THSD7B: variants seen among roughly 807,000 people sequenced by gnomAD.
THSD7B encodes the protein thrombospondin type-1 domain-containing protein 7B.
In THSD7B, 138 loss-of-function variants were observed where a neutral mutation model predicts 213.6. The ratio of observed to expected loss-of-function variants is 0.65; its 90% CI spans 0.56 to 0.74. The LOEUF (loss-of-function observed/expected upper bound fraction) is 0.74. THSD7B is among the 30% of genes least tolerant of loss of function. The pLI is 0.00. For missense variants in THSD7B, 1,931 were observed against 1,991.5 expected (o/e 0.97, Z 0.58); for synonymous variants, 742 against 687.0 (o/e 1.08, Z -1.25).
intron 2 of THSD7B, among the ~76,000 whole-genome samples, chr2:136,982,302 T>C (rs1454810887): frequency 2.5e-5 from 1 of 40,514 alleles, no homozygotes; most frequent in Non-Finnish European, 5.0e-5. Flanking sequence ...CATTTGGTGC[T>C]ATGTGAGCAA....
rs1490457407 is a variant in THSD7B, at chr2:136,818,307, A to G, written c.-36+52620A>G. ...TAAACTATCGCAAGAACAAAAAACC[A>G]AACACCACATATTCTCACTCATAGG... On this transcript the variant is annotated intron_variant, in intron 1 of 27. Coordinates refer to ENST00000409968, the MANE Select transcript of THSD7B (RefSeq NM_001316349.2). Among the ~76,000 whole-genome samples the G allele has an allele frequency of 6.7e-4, 90 of 134,998 alleles. 1 individual carries two copies. The highest frequency in any genetic ancestry group is 2.4e-3 in the African/African-American group (88 of 35,996). 88.6% of individuals were successfully genotyped at this position (134,998 alleles called of 152,430 possible). A position where few individuals can be genotyped will look rare whatever the true frequency, so the allele number is the denominator to read the frequency against.
chr2:137,066,041 A>G (rs1001167148), intron 3 of THSD7B, among the ~76,000 whole-genome samples: 24 of 151,974 alleles, frequency 1.6e-4, no homozygotes, highest in South Asian at 1.0e-3. Context: ...TCTAACCTAC[A>G]TAATTTTCCT....
At chr2:137,590,792 G>GTTTTTTTTTTTTTTTTTTTTTTTT (rs1215185747) in intron 17 of THSD7B, among the ~76,000 whole-genome samples, 8 of 88,706 alleles carry the variant, frequency 9.0e-5, no homozygotes, top group Non-Finnish European at 9.2e-5. Context: ...CTTTGAAATA[G>GTTTTTTTTTTTTTTTTTTTTTTTT]TTTTTTTTTT....
At chr2:137,049,582 G>A (rs1687031646) in intron 2 of THSD7B, among the ~76,000 whole-genome samples, 1 of 151,752 alleles carries the variant, frequency 6.6e-6, no homozygotes, top group Non-Finnish European at 1.5e-5. Context: ...TGTTATTCTA[G>A]GGACACATAA....
At chr2:136,804,704 A>G (rs1682253182) in intron 1 of THSD7B, among the ~76,000 whole-genome samples, 1 of 151,984 alleles carries the variant, frequency 6.6e-6, no homozygotes, top group African/African-American at 2.4e-5. Context: ...GATAACCTGG[A>G]CCTCCTCAGA....
chr2:137,392,141 G>C (rs1270325585), intron 12 of THSD7B, among the ~76,000 whole-genome samples: 5 of 152,094 alleles, frequency 3.3e-5, no homozygotes, highest in Admixed American at 6.6e-5. Flanking sequence ...CTAAAAATTT[G>C]TTGAGGCTTG....
At chr2:136,776,869 C>A (rs1346585512) in intron 1 of THSD7B, among the ~76,000 whole-genome samples, 1 of 152,068 alleles carries the variant, frequency 6.6e-6, no homozygotes, top group African/African-American at 2.4e-5. Context: ...TGCACACACA[C>A]ACACATACAA....
chr2:136,980,635 C>CA (rs1000141149), intron 2 of THSD7B, among the ~76,000 whole-genome samples: 14 of 152,308 alleles, frequency 9.2e-5, no homozygotes, highest in African/African-American at 3.1e-4. Context: ...GTGGTCACCC[C>CA]TCCCCTGGGA....
At chr2:137,546,408 A>ATATAT (rs1680720593) in intron 15 of THSD7B, among the ~76,000 whole-genome samples, 1 of 31,870 alleles carries the variant, frequency 3.1e-5, no homozygotes, top group African/African-American at 2.0e-4. Flanking sequence ...TATATATTAT[A>ATATAT]TATATATTAT....
intron 3 of THSD7B, among the ~76,000 whole-genome samples, chr2:137,078,296 C>G (rs949877935): frequency 2.6e-5 from 4 of 152,122 alleles, no homozygotes; most frequent in South Asian, 2.1e-4. Flanking sequence ...TTAGGATTGA[C>G]TTGGCAATGT....
intron 10 of THSD7B, among the ~76,000 whole-genome samples, chr2:137,255,106 G>A (rs981606027): frequency 2.0e-5 from 3 of 152,108 alleles, no homozygotes; most frequent in Admixed American, 2.0e-4. Flanking sequence ...GTCATACATG[G>A]TCTTGAACCT....
chr2:137,462,517 C>T (rs763048076), intron 15 of THSD7B, among the ~76,000 whole-genome samples: 3 of 151,980 alleles, frequency 2.0e-5, no homozygotes, highest in Admixed American at 6.6e-5. Flanking sequence ...GAATTCATGA[C>T]GAACAACTTT....
intron 3 of THSD7B, among the ~76,000 whole-genome samples, chr2:137,084,643 A>G (rs1257449991): frequency 1.3e-5 from 2 of 152,272 alleles, no homozygotes; most frequent in Admixed American, 1.3e-4. Flanking sequence ...CCCTCCTGCT[A>G]TCTCTTTCCT....
rs190477887 is a variant in THSD7B at position 137,393,430 on chromosome 2, G to A, written c.2501-12183G>A. On this transcript the variant is annotated intron_variant, in intron 12 of 27. Coordinates refer to ENST00000409968, the MANE Select transcript of THSD7B (RefSeq NM_001316349.2). Reference sequence around the variant, plus strand: ...GCGGTGTTTGGTTTTTTGTTCTTACGATAGTTTACTGAGAATGATGATTTC... The same window carrying A: ...GCGGTGTTTGGTTTTTTGTTCTTACAATAGTTTACTGAGAATGATGATTTC... Among the ~76,000 whole-genome samples, 555 of 149,022 alleles carry A rather than the reference G, an allele frequency of 3.7e-3. 6 individuals carry two copies. Among genetic ancestry groups the A allele is most frequent in the African/African-American group, 0.012 (496 of 40,474 alleles).
At chr2:137,648,881 A>T (rs562840027) in intron 21 of THSD7B, among the ~76,000 whole-genome samples, 1 of 152,262 alleles carries the variant, frequency 6.6e-6, no homozygotes, top group East Asian at 1.9e-4. Context: ...TTAAATTCCC[A>T]CCAACAGTGT....
intron 5 of THSD7B, among the ~76,000 whole-genome samples, chr2:137,145,027 G>A (rs1002134139): frequency 6.6e-6 from 1 of 151,984 alleles, no homozygotes; most frequent in African/African-American, 2.4e-5. Flanking sequence ...AAGATTCAAG[G>A]AGAGAGCACA....
chr2:136,953,809 C>T (rs530392505), intron 2 of THSD7B, among the ~76,000 whole-genome samples: 1 of 152,320 alleles, frequency 6.6e-6, no homozygotes, highest in South Asian at 2.1e-4. Flanking sequence ...TTTAGGGTCT[C>T]ATGGACACTC....
rs906770997 is a variant in THSD7B, at chr2:137,546,177, T to A, written c.3139-17044T>A. 2.7e-4 allele frequency among the ~76,000 whole-genome samples: 40 copies of A among 148,232 alleles called. 1 individual carries two copies. The highest frequency in any genetic ancestry group is 9.0e-4 in the African/African-American group (36 of 40,190). ...CAAATCTAGACACTATACATTATAG[T>A]TATAAGCAATTAGAACTGATATTAA... On this transcript the variant is annotated intron_variant, in intron 15 of 27. Transcript: ENST00000409968.
At position 137,431,722 on chromosome 2, in the gene THSD7B, T is replaced by TA. The variant is rs956722299; in HGVS notation, c.2960-19114dup. 2.7e-4 allele frequency among the ~76,000 whole-genome samples: 41 copies of TA among 150,588 alleles called. No homozygotes were observed. The East Asian group carries it at 5.8e-3, about 21-fold the overall frequency. On this transcript the variant is annotated intron_variant, in intron 14 of 27. Transcript: ENST00000409968. ...CCCATAGATAGGATTTTGGGCAAGA[T>TA]AAAAAAAAAGTAGAGCTTAGTCCTC...
Sources: allele counts gnomAD v4.1 joint callset (sites outside exome capture counted in the v4.1 genomes callset), GRCh38; gene constraint gnomAD v4.1.1; transcripts MANE v1.5; gene names NCBI Gene and HGNC (gene_info 2026-07-23, HGNC 2026-07-21).